The following NFIC variants were observed in gnomAD, a reference collection of about 807,000 sequenced individuals.
The protein encoded by NFIC is nuclear factor 1 C-type.
Under a neutral mutation model 54.4 loss-of-function variants are expected in NFIC, and 12 were observed. The observed-to-expected ratio is 0.22, with a 90% confidence interval of 0.14 to 0.36. NFIC has a LOEUF of 0.36. Ranked by LOEUF, NFIC falls within the 10% of genes least tolerant of loss-of-function variation. The pLI, the probability that NFIC is intolerant of heterozygous loss-of-function variation, is 1.00. For missense variants in NFIC, 575 were observed against 718.2 expected (o/e 0.80, Z 2.28); for synonymous variants, 322 against 319.2 (o/e 1.01, Z -0.09).
intron 1 of NFIC, among the ~76,000 whole-genome samples, chr19:3,360,627 T>C (rs2080798789): frequency 1.3e-5 from 2 of 152,192 alleles, no homozygotes; most frequent in African/African-American, 2.4e-5. Context: ...GCTTTCTGTG[T>C]CCGCGTGTGT....
At chr19:3,438,349 A>G (rs2082237822) in intron 6 of NFIC, among the ~76,000 whole-genome samples, 1 of 151,600 alleles carries the variant, frequency 6.6e-6, no homozygotes, top group African/African-American at 2.4e-5. Context: ...CTAGCAGGGA[A>G]TGTCAGAGGA....
At chr19:3,380,902 C>G (rs1406321356) in intron 1 of NFIC, among the ~76,000 whole-genome samples, 1 of 152,152 alleles carries the variant, frequency 6.6e-6, no homozygotes, top group Non-Finnish European at 1.5e-5. Context: ...AGTCCTCCCT[C>G]CTCGGCCTCC....
At chr19:3,446,819 C>T (rs2082379659) in intron 6 of NFIC, among the ~76,000 whole-genome samples, 1 of 151,772 alleles carries the variant, frequency 6.6e-6, no homozygotes, top group Non-Finnish European at 1.5e-5. Context: ...ATCCCTTGAG[C>T]CCAGGAGTTT....
chr19:3,435,783 G>C (rs765120725), intron 6 of NFIC, among the ~76,000 whole-genome samples: 17 of 151,562 alleles, frequency 1.1e-4, no homozygotes, highest in Non-Finnish European at 1.8e-4. Context: ...TTGCTTTTCT[G>C]TCTTCAGAAG....
chr19:3,405,889 C>A (rs1260193653), intron 2 of NFIC, among the ~76,000 whole-genome samples: 1 of 151,294 alleles, frequency 6.6e-6, no homozygotes, highest in African/African-American at 2.4e-5. Flanking sequence ...ACGTGTGAGC[C>A]ACCGCGCCCG....
In NFIC at chr19:3,458,346, T is replaced by C. The variant is rs368352065; in HGVS notation, c.1509+1711T>C. ...TGCGGGAGGCTGGGAACGTCTTAAGTGGTTCAGAAACCAAAGCTAATAAAA... is the reference window on the plus strand; with the variant it reads ...TGCGGGAGGCTGGGAACGTCTTAAGCGGTTCAGAAACCAAAGCTAATAAAA... On this transcript the variant is annotated intron_variant, in intron 10 of 10. Coordinates refer to ENST00000443272, the MANE Select transcript of NFIC (RefSeq NM_001245002.2). The surrounding 1 kb of genome is among the most constrained non-coding windows in gnomAD (Gnocchi z 4.1). Among the ~76,000 whole-genome samples the C allele has an allele frequency of 1.6e-4, 25 of 152,224 alleles. No homozygotes were observed. The highest frequency in any genetic ancestry group is 6.0e-4 in the African/African-American group (25 of 41,524).
chr19:3,368,309 G>A (rs1270713137), intron 1 of NFIC, among the ~76,000 whole-genome samples: 1 of 152,166 alleles, frequency 6.6e-6, no homozygotes, highest in Non-Finnish European at 1.5e-5. Context: ...TCCCCCATCA[G>A]GGCTGGTTGG....
At chr19:3,377,164 TA>T (rs35751792) in intron 1 of NFIC, among the ~76,000 whole-genome samples, 82 of 142,962 alleles carry the variant, frequency 5.7e-4, no homozygotes, top group Non-Finnish European at 4.2e-4. Context: ...CCGTCTCTAC[TA>T]AAAAAAAAAA....
chr19:3,439,847 C>G (rs2082265479), intron 6 of NFIC, among the ~76,000 whole-genome samples: 1 of 151,546 alleles, frequency 6.6e-6, no homozygotes, highest in African/African-American at 2.4e-5. Flanking sequence ...CACCACCATG[C>G]CCGGCTAATT....
intron 2 of NFIC, among the ~76,000 whole-genome samples, chr19:3,392,259 C>T (rs963136869): frequency 2.0e-5 from 3 of 151,712 alleles, no homozygotes; most frequent in Non-Finnish European, 4.4e-5. Context: ...TTTAGTAGAG[C>T]GGGGGTTTCA....
chr19:3,365,781 CT>C (rs2080871659), upstream of NFIC, among the ~76,000 whole-genome samples: 1 of 152,190 alleles, frequency 6.6e-6, no homozygotes, highest in East Asian at 1.9e-4. Context: ...GAGGCCACCC[CT>C]CCCCTGCCCC....
chr19:3,435,347 C>T, intron 6 of NFIC, 140 bp downstream of exon 6: 1 of 1,240,656 alleles, frequency 8.1e-7, no homozygotes, highest in South Asian at 1.6e-5. Flanking sequence ...GAATTGTAGT[C>T]GTCCCGAGCT....
chr19:3,467,818 A>G lies in NFIC; in HGVS notation c.*5049A>G, dbSNP rs1355795239. On this transcript the variant is annotated 3_prime_UTR_variant, in exon 11 of 11. Coordinates refer to ENST00000443272, the MANE Select transcript of NFIC (RefSeq NM_001245002.2). ...TTGGAATTTGTTTCTCATAATACAG[A>G]ATATATAGTGGCTACCTTGTATCTT... 3 of 133,998 alleles carry G rather than the reference A, an allele frequency of 2.2e-5. No homozygotes were observed. In the Admixed American group the frequency reaches 2.3e-4, roughly 10 times the overall value. 8.3% of individuals were successfully genotyped at this position (133,998 alleles called of 1,614,324 possible).
intron 1 of NFIC, among the ~76,000 whole-genome samples, chr19:3,380,428 C>T (rs754016350): frequency 2.1e-5 from 3 of 142,714 alleles, no homozygotes; most frequent in Non-Finnish European, 3.0e-5. Flanking sequence ...CAGGTTCAAG[C>T]GATTCTCCTG....
chr19:3,366,547 T>TGGGGGGGGGGGGGGGGGGGGGGGGGGG, upstream of NFIC: 1 of 353,242 alleles, frequency 2.8e-6, no homozygotes. Flanking sequence ...GGGGGGGGGT[T>TGGGGGGGGGGGGGGGGGGGGGGGGGGG]GGGGGGGGCG....
chr19:3,440,491 C>T (rs1178553516), intron 6 of NFIC, among the ~76,000 whole-genome samples: 2 of 150,784 alleles, frequency 1.3e-5, no homozygotes, highest in Admixed American at 6.6e-5. Context: ...GGGTGCAATG[C>T]GCGATCTTGA....
intron 2 of NFIC, among the ~76,000 whole-genome samples, chr19:3,384,195 T>C (rs957650732): frequency 6.7e-6 from 1 of 150,224 alleles, no homozygotes; most frequent in Non-Finnish European, 1.5e-5. Flanking sequence ...GCTGGGACTA[T>C]AGGCGCACAC....
rs1599615410 is a variant in NFIC, at chr19:3,399,566, A to C, written c.562+17323A>C. Among the ~76,000 whole-genome samples the C allele has an allele frequency of 2.6e-5, 4 of 151,662 alleles. No individual in the cohort carries two copies. In the South Asian group the frequency reaches 8.4e-4, roughly 32 times the overall value. On this transcript the variant is annotated intron_variant, in intron 2 of 10. Coordinates refer to ENST00000443272, the MANE Select transcript of NFIC (RefSeq NM_001245002.2). ...ACTCCAGCCTGGGTGACAGAGCAACACCCTGTCTCAAAAAATAAAAATAGG... is the reference window on the plus strand; with the variant it reads ...ACTCCAGCCTGGGTGACAGAGCAACCCCCTGTCTCAAAAAATAAAAATAGG...
In NFIC at chr19:3,381,748, C is replaced by T. The variant is rs2081213145; in HGVS notation, c.67C>T (p.His23Tyr). Residue 23 changes from histidine to tyrosine, a missense_variant, in exon 2 of 11, where the codon CAC (histidine) becomes TAC (tyrosine). Physicochemically the swap from His to Tyr is moderately conservative, Grantham distance 83. Coordinates refer to ENST00000443272, the MANE Select transcript of NFIC (RefSeq NM_001245002.2). ...FHPFIEALLP[H>Y]VRAFAYTWFN... is the part of the protein sequence containing the mutation. The stretch of plus-strand genomic sequence containing the variant: ...CCCGTTCATCGAGGCCCTGCTGCCT[C>T]ACGTCCGCGCCTTCGCCTACACCTG... 1 of 1,613,838 alleles carries T rather than the reference C, an allele frequency of 6.2e-7. No individual in the cohort carries two copies. The highest frequency in any genetic ancestry group is 8.5e-7 in the Non-Finnish European group (1 of 1,179,942).
Sources: gnomAD v4.1 joint callset for allele counts (sites outside exome capture counted in the v4.1 genomes callset) on GRCh38, gnomAD v4.1.1 for gene constraint, Gnocchi (gnomAD v3.1) non-coding constraint, MANE v1.5 for transcripts, NCBI Gene and HGNC (gene_info 2026-07-23, HGNC 2026-07-21) for gene names.